Variants in EFTUD2 observed in about 807,000 individuals in gnomAD.
The protein encoded by EFTUD2 is 116 kDa U5 small nuclear ribonucleoprotein component.
A neutral mutation model predicts 114.3 loss-of-function variants in EFTUD2; 9 were observed. The observed-to-expected ratio is 0.08, with a 90% CI of 0.05 to 0.14. The LOEUF (loss-of-function observed/expected upper bound fraction) is 0.14, where lower values mean the gene tolerates loss of function less well. EFTUD2 is among the 10% of genes least tolerant of loss of function. The pLI, the probability that EFTUD2 is intolerant of heterozygous loss-of-function variation, is 1.00. For missense variants in EFTUD2, 765 were observed against 1,241.2 expected, an observed-to-expected ratio of 0.62 and a Z score of 5.76; for synonymous variants, 449 against 462.3, an observed-to-expected ratio of 0.97 and a Z score of 0.37.
Position 44,865,224 on chromosome 17 carries a change from G to A in EFTUD2, c.1150-159C>T, listed in dbSNP as rs903537045. ...GCAAGGACAAAAGTTTGGTTTCAGC[G>A]GCATCTCTGCTACCTACCCTTCAAA... is the stretch of plus-strand genomic sequence containing the variant. On this transcript the variant is annotated intron_variant, in intron 13 of 27. Transcript: ENST00000426333. 14 of 1,028,896 alleles carry A rather than the reference G, an allele frequency of 1.4e-5. No homozygotes were observed. The Admixed American group carries it at 1.6e-4, about 12-fold the overall frequency. The allele number at this position is 1,028,896 out of a possible 1,614,324, so 63.7% of individuals were successfully genotyped here.
rs543031726 is a variant in EFTUD2, at chr17:44,886,494, A to G, written c.271+91T>C. 6.5e-6 allele frequency: 10 copies of G among 1,546,734 alleles called. No homozygotes were observed. In the South Asian group the frequency reaches 9.9e-5, roughly 15 times the overall value. ...GAAGGTAGTAAAGAAAAACTGATCA[A>G]TTCATTCACTGAACTTTTAAGGTTT... On this transcript the variant is annotated intron_variant, in intron 3 of 27. Transcript: ENST00000426333.
intron 1 of EFTUD2, among the ~76,000 whole-genome samples, chr17:44,898,681 TTC>T (rs2051447755): frequency 6.6e-6 from 1 of 152,250 alleles, no homozygotes; most frequent in Non-Finnish European, 1.5e-5. Context: ...AAATGTCATC[TTC>T]TCTGTCACTC....
chr17:44,897,007 G>A (rs555369607), intron 1 of EFTUD2, among the ~76,000 whole-genome samples: 1 of 152,124 alleles, frequency 6.6e-6, no homozygotes, highest in Admixed American at 6.5e-5. Context: ...ACGAGGTCAG[G>A]AGATCGAGAC....
At chr17:44,882,812 C>A (rs2051096398) in intron 6 of EFTUD2, among the ~76,000 whole-genome samples, 1 of 152,014 alleles carries the variant, frequency 6.6e-6, no homozygotes, top group Non-Finnish European at 1.5e-5. Context: ...AATACTATAA[C>A]AGGAAAGAAT....
chr17:44,886,154 A>G (rs1300122200), intron 3 of EFTUD2, among the ~76,000 whole-genome samples: 1 of 152,112 alleles, frequency 6.6e-6, no homozygotes, highest in Non-Finnish European at 1.5e-5. Flanking sequence ...GAATTGCTTG[A>G]ATCAGGGAGG....
At chr17:44,851,434 C>A in intron 27 of EFTUD2, 65 bp from the exon 28 acceptor site, 2 of 1,362,438 alleles carry the variant, frequency 1.5e-6, no homozygotes, top group Non-Finnish European at 1.0e-6. Flanking sequence ...GGAGACTATC[C>A]AAGACCTGTG....
At chr17:44,876,489 C>G (rs999886570) in intron 9 of EFTUD2, among the ~76,000 whole-genome samples, 1 of 152,078 alleles carries the variant, frequency 6.6e-6, no homozygotes, top group African/African-American at 2.4e-5. Context: ...CCTAGCTGTG[C>G]TCAGTGAGAG....
At chr17:44,894,896 A>T (rs1437932022) in intron 1 of EFTUD2, among the ~76,000 whole-genome samples, 1 of 152,236 alleles carries the variant, frequency 6.6e-6, no homozygotes, top group African/African-American at 2.4e-5. Context: ...TTAATACTAA[A>T]TTTAATTTTA....
At chr17:44,857,497 G>A (rs927944260) in intron 19 of EFTUD2, 6 of 297,590 alleles carry the variant, frequency 2.0e-5, no homozygotes, top group Non-Finnish European at 2.7e-5. Flanking sequence ...GTCTGACAGA[G>A]CTGGTGCTGA....
At chr17:44,882,990 G>A (rs1002388826) in intron 6 of EFTUD2, 103 bp downstream of exon 6, 30 of 1,089,448 alleles carry the variant, frequency 2.8e-5, no homozygotes, top group South Asian at 5.1e-5. Flanking sequence ...CTTTGGAGGC[G>A]TCATTATTTA....
intron 2 of EFTUD2, chr17:44,892,373 G>A (rs1358609159): frequency 6.6e-6 from 1 of 152,112 alleles, no homozygotes; most frequent in Non-Finnish European, 1.5e-5. Context: ...CAGATGCCTA[G>A]GACATGTCAC....
intron 10 of EFTUD2, among the ~76,000 whole-genome samples, chr17:44,873,624 C>T (rs1351974840): frequency 6.6e-6 from 1 of 150,588 alleles, no homozygotes; most frequent in Admixed American, 6.6e-5. Flanking sequence ...TGCTGGGATT[C>T]TAGGTATAAG....
At chr17:44,851,653 C>T (rs2050452290) in intron 27 of EFTUD2, 57 bp downstream of exon 27, 1 of 1,458,726 alleles carries the variant, frequency 6.9e-7, no homozygotes, top group Non-Finnish European at 9.2e-7. Context: ...GAGAGAGATC[C>T]TGCTTCTGAG....
Position 44,862,856 on chromosome 17 carries a change from G to T in EFTUD2, c.1464C>A (p.Val488=). The T allele has an allele frequency of 6.2e-7, 1 of 1,614,200 alleles. No homozygotes were observed. The highest frequency in any genetic ancestry group is 8.5e-7 in the Non-Finnish European group (1 of 1,180,044). ...GCACCCGGCCAAAGGCGTGAAACTG[G>T]ACTCCATCATCTGTGCTGTACATCT... The part of the protein sequence containing the change: ...TTKMYSTDDG[V]QFHAFGRVLS... Residue 488 remains valine, a synonymous_variant, in exon 16 of 28, where the codon GTC becomes GTA. Coordinates refer to ENST00000426333, the MANE Select transcript of EFTUD2 (RefSeq NM_004247.4).
Position 44,867,891 on chromosome 17 carries a change from C to T in EFTUD2, c.1065G>A (p.Lys355=). ...GDIYFNPKTR[K]FTKKAPTSSS... ...TGCTAGTTGGGGCCTTTTTGGTGAA[C>T]TTTCGCCTAAAAGGAAAAATAAGTT... The change falls in exon 13 of 28, where the codon AAG becomes AAA. Residue 355 remains lysine (K), a synonymous_variant. Coordinates refer to ENST00000426333, the MANE Select transcript of EFTUD2 (RefSeq NM_004247.4). The T allele has an allele frequency of 6.3e-7, 1 of 1,595,168 alleles. No individual in the cohort carries two copies. Among genetic ancestry groups the T allele is most frequent in the Non-Finnish European group, 8.5e-7 (1 of 1,170,082 alleles).
chr17:44,864,365 C>T (rs1354651821), intron 14 of EFTUD2, among the ~76,000 whole-genome samples: 1 of 152,194 alleles, frequency 6.6e-6, no homozygotes, highest in Non-Finnish European at 1.5e-5. Flanking sequence ...GACTTAGAAT[C>T]AGAGACTGCT....
At chr17:44,858,376 T>C (rs1049851528) in intron 19 of EFTUD2, among the ~76,000 whole-genome samples, 6 of 151,762 alleles carry the variant, frequency 4.0e-5, no homozygotes, top group Admixed American at 3.3e-4. Context: ...GCTGGGACTA[T>C]AGGTGCAAGC....
chr17:44,896,429 T>A (rs959552788), intron 1 of EFTUD2, among the ~76,000 whole-genome samples: 1 of 151,928 alleles, frequency 6.6e-6, no homozygotes, highest in African/African-American at 2.4e-5. Flanking sequence ...GGGCGGATCA[T>A]GAGGTCAGGA....
chr17:44,858,952 G>A (rs2145454749), intron 19 of EFTUD2, 128 bp downstream of exon 19: 1 of 691,642 alleles, frequency 1.4e-6, no homozygotes. Flanking sequence ...CATATAAGGA[G>A]CAACAGATCA....
Sources: gnomAD v4.1 joint callset for allele counts (sites outside exome capture counted in the v4.1 genomes callset) on GRCh38, gnomAD v4.1.1 for gene constraint, MANE v1.5 for transcripts, NCBI Gene and HGNC (gene_info 2026-07-23, HGNC 2026-07-21) for gene names.